CROCC2: variants seen among roughly 807,000 people sequenced by gnomAD.
The protein encoded by CROCC2 is ciliary rootlet coiled-coil protein 2.
A neutral mutation model predicts 177.6 loss-of-function variants in CROCC2; 163 were observed. The observed-to-expected ratio is 0.92, with a 90% CI of 0.81 to 1.05. CROCC2 has a LOEUF of 1.05. Among genes scored for constraint, CROCC2 ranks in the 50% least tolerant of loss-of-function variants. The pLI is 0.00. For missense variants in CROCC2, 1,929 were observed against 1,797.8 expected (o/e 1.07, Z -1.32); for synonymous variants, 904 against 787.3 (o/e 1.15, Z -2.48).
chr2:240,949,691 CA>C lies in CROCC2; in HGVS notation c.2644del (p.Arg882GlyfsTer6), dbSNP rs765294782. On this transcript the variant is annotated frameshift_variant, in exon 17 of 32. Transcript: ENST00000690015. LOFTEE classifies it high-confidence loss of function. This position sits in a 1 kb window ranked among gnomAD's most constrained non-coding sequence, Gnocchi z 4.5. The part of the protein sequence containing the change: ...LAHREALAQL[Q>X]REKETLSLTL... Reference sequence around the variant, plus strand: ...CCACCGAGAGGCCCTGGCACAGCTCCAAAGGGAGAAGGTCTGCTTCCCAGGA... The same window carrying C: ...CCACCGAGAGGCCCTGGCACAGCTCCAAGGGAGAAGGTCTGCTTCCCAGGA... 2.5e-5 allele frequency: 38 copies of C among 1,543,296 alleles called. No homozygotes were observed. Among genetic ancestry groups the C allele is most frequent in the Non-Finnish European group, 3.3e-5 (38 of 1,142,766 alleles).
intron 4 of CROCC2, 138 bp from the exon 5 acceptor site, chr2:240,925,586 C>T (rs1475913976): frequency 8.3e-6 from 5 of 605,690 alleles, no homozygotes; most frequent in African/African-American, 1.9e-5. Context: ...GGCAGAGCAG[C>T]GGCTGTGCAC....
intron 7 of CROCC2, among the ~76,000 whole-genome samples, chr2:240,931,521 G>T (rs1160534805): frequency 6.6e-6 from 1 of 152,204 alleles, no homozygotes; most frequent in African/African-American, 2.4e-5. Flanking sequence ...CCTCCTGCCC[G>T]ATATGAAGGA....
intron 22 of CROCC2, among the ~76,000 whole-genome samples, chr2:240,964,844 T>A (rs1437260371): frequency 1.3e-5 from 2 of 152,188 alleles, no homozygotes; most frequent in Admixed American, 1.3e-4. Flanking sequence ...AAACCAGGAA[T>A]GCTTTAGCGA....
At chr2:240,922,319 C>T (rs2059361801) in intron 3 of CROCC2, among the ~76,000 whole-genome samples, 1 of 152,232 alleles carries the variant, frequency 6.6e-6, no homozygotes, top group South Asian at 2.1e-4. Context: ...CCCTCCCCTC[C>T]TCTGCCAGCC....
chr2:240,942,512 T>C (rs2059500694), intron 14 of CROCC2, among the ~76,000 whole-genome samples: 1 of 152,186 alleles, frequency 6.6e-6, no homozygotes, highest in Non-Finnish European at 1.5e-5. Flanking sequence ...ATATTGTTTG[T>C]TTTTTTATTA....
At chr2:240,947,654 C>G (rs897071593) in intron 15 of CROCC2, among the ~76,000 whole-genome samples, 1 of 152,202 alleles carries the variant, frequency 6.6e-6, no homozygotes, top group African/African-American at 2.4e-5. Context: ...GTGTGGGAAA[C>G]CGTGCTGCAG....
intron 27 of CROCC2, among the ~76,000 whole-genome samples, chr2:240,976,636 C>T (rs1209420590): frequency 6.3e-5 from 6 of 95,648 alleles, no homozygotes; most frequent in Non-Finnish European, 1.0e-4. Flanking sequence ...CCAGGCTCAT[C>T]CCTGCTCAAG....
intron 28 of CROCC2, among the ~76,000 whole-genome samples, chr2:240,987,139 C>T (rs541797562): frequency 9.8e-5 from 15 of 152,320 alleles, no homozygotes; most frequent in Admixed American, 2.6e-4. Flanking sequence ...TGGGGCCTCC[C>T]GTGGACGCTG....
rs1269320078 is a variant in CROCC2 at position 240,989,841 on chromosome 2, C to T, written c.4863+8C>T. 2.9e-5 allele frequency: 45 copies of T among 1,531,636 alleles called. No homozygotes were observed. Among genetic ancestry groups the T allele is most frequent in the Non-Finnish European group, 3.7e-5 (42 of 1,132,972 alleles). 94.9% of individuals were successfully genotyped at this position (1,531,636 alleles called of 1,614,324 possible). ...AAGGTGCTGGAAGAGCAGGTAAGGT[C>T]GGGACCCCAGCCCCCTGGGTGAGGG... On this transcript the variant is annotated splice_region_variant and intron_variant, in intron 30 of 31. Coordinates refer to ENST00000690015, the MANE Select transcript of CROCC2 (RefSeq NM_001351305.2).
At chr2:240,920,849 G>A (rs979790723) in intron 3 of CROCC2, among the ~76,000 whole-genome samples, 6 of 152,232 alleles carry the variant, frequency 3.9e-5, no homozygotes, top group Admixed American at 6.5e-5. Flanking sequence ...TCCTATGTCA[G>A]CCGCTCCAAG....
intron 15 of CROCC2, among the ~76,000 whole-genome samples, chr2:240,946,623 C>T (rs972534632): frequency 5.3e-5 from 8 of 152,234 alleles, no homozygotes. Flanking sequence ...CAGAATCCTG[C>T]TTCTCTCTCC....
intron 27 of CROCC2, 60 bp downstream of exon 27, chr2:240,968,322 C>T: frequency 2.7e-6 from 4 of 1,456,798 alleles, no homozygotes; most frequent in Admixed American, 2.3e-5. Flanking sequence ...TCTCGGTCAC[C>T]CTCACACCCT....
At chr2:240,969,123 A>G (rs1448900178) in intron 27 of CROCC2, among the ~76,000 whole-genome samples, 2 of 152,292 alleles carry the variant, frequency 1.3e-5, no homozygotes, top group African/African-American at 4.8e-5. Flanking sequence ...TGCAGAGGAG[A>G]CAGGGCACAG....
intron 31 of CROCC2, among the ~76,000 whole-genome samples, chr2:240,992,448 G>A (rs1424112064): frequency 6.6e-6 from 1 of 152,224 alleles, no homozygotes; most frequent in South Asian, 2.1e-4. Context: ...TGGCACACCT[G>A]GTTTTCTGGT....
intron 9 of CROCC2, 98 bp from the exon 10 acceptor site, chr2:240,933,033 C>CG: frequency 6.6e-7 from 1 of 1,508,518 alleles, no homozygotes; most frequent in Non-Finnish European, 9.0e-7. Context: ...GCCCCAGTGT[C>CG]GGGGGTGTCC....
intron 27 of CROCC2, among the ~76,000 whole-genome samples, chr2:240,974,162 T>C (rs979378857): frequency 6.6e-6 from 1 of 152,218 alleles, no homozygotes; most frequent in Non-Finnish European, 1.5e-5. Flanking sequence ...CTTATTTACA[T>C]GTGGAGTTAT....
At chr2:240,921,053 C>G (rs951353546) in intron 3 of CROCC2, among the ~76,000 whole-genome samples, 1 of 152,202 alleles carries the variant, frequency 6.6e-6, no homozygotes, top group African/African-American at 2.4e-5. Flanking sequence ...AGTGATCACC[C>G]AGGCCACACC....
Position 240,925,728 on chromosome 2 carries a change from A to G in CROCC2, c.493A>G (p.Thr165Ala), listed in dbSNP as rs1464603447. ...CCCTGTGGGTTCTCTGTCCAGGAGC[A>G]CCGGCCTCTGTCAGGTGAACGCGCT... ...GRLEAAEERS[T>A]GLCQVNALLR... Residue 165 changes from threonine to alanine, a missense_variant, in exon 5 of 32, where the codon ACC (threonine) becomes GCC (alanine). By Grantham distance (58) the Thr-to-Ala change is moderately conservative (BLOSUM62 0). Transcript: ENST00000690015. The G allele has an allele frequency of 1.4e-6, 1 of 715,514 alleles. No homozygotes were observed. The highest frequency in any genetic ancestry group is 2.7e-5 in the East Asian group (1 of 37,276). 44.3% of individuals were successfully genotyped at this position (715,514 alleles called of 1,614,324 possible).
Position 240,963,698 on chromosome 2 carries a change from G to A in CROCC2, c.3230G>A (p.Arg1077His), listed in dbSNP as rs374817384. ...EARRALSDEAREKDVLLLFNS... is the reference protein window; with the variant it reads ...EARRALSDEAHEKDVLLLFNS... The stretch of plus-strand genomic sequence containing the variant: ...CGCCGGGCGCTGAGTGACGAGGCCC[G>A]CGAGAAGGACGTACTGTTGCTTTTC... The change falls in exon 21 of 32, where the codon CGC becomes CAC. Residue 1077 changes from arginine to histidine, a missense_variant. Around this residue, in one of 3 missense-constraint regions of CROCC2, gnomAD observed 1,397 missense variants for 1,239.9 expected, o/e 1.13. Transcript: ENST00000690015. 392 of 1,550,314 alleles carry A rather than the reference G, an allele frequency of 2.5e-4. 2 individuals are homozygous for A. In the African/African-American group the frequency reaches 4.4e-3, roughly 17 times the overall value.
Sources: allele counts gnomAD v4.1 joint callset (sites outside exome capture counted in the v4.1 genomes callset), GRCh38; gene constraint gnomAD v4.1.1; regional missense constraint gnomAD v4.1.1; non-coding constraint Gnocchi (gnomAD v3.1); transcripts MANE v1.5; gene names NCBI Gene and HGNC (gene_info 2026-07-23, HGNC 2026-07-21).